The following FBXW8 variants were observed in gnomAD, a reference collection of about 807,000 sequenced individuals.
FBXW8 encodes the protein F-box and WD repeat domain containing 8.
Under a neutral mutation model 65.3 loss-of-function variants are expected in FBXW8, and 57 were observed. The ratio of observed to expected loss-of-function variants is 0.87; its 90% confidence interval spans 0.71 to 1.09. The LOEUF (loss-of-function observed/expected upper bound fraction) is 1.09, where lower values mean the gene tolerates loss of function less well. FBXW8 is among the 50% of genes least tolerant of loss of function. The probability of loss-of-function intolerance (pLI) is 0.00; values close to 1 mark genes in which losing one functional copy is unlikely to be tolerated. For missense variants in FBXW8, 777 were observed against 814.8 expected, an observed-to-expected ratio of 0.95 and a Z score of 0.57; for synonymous variants, 308 against 330.2, an observed-to-expected ratio of 0.93 and a Z score of 0.73.
chr12:116,932,120 GTTAATGCA>G (rs1343015097), intron 2 of FBXW8, among the ~76,000 whole-genome samples: 2 of 152,002 alleles, frequency 1.3e-5, no homozygotes, highest in Non-Finnish European at 2.9e-5. Flanking sequence ...CCTTCATTCT[GTTAATGCA>G]TTGTATTACA....
intron 4 of FBXW8, among the ~76,000 whole-genome samples, chr12:116,955,140 C>G (rs933465268): frequency 6.6e-6 from 1 of 152,068 alleles, no homozygotes; most frequent in Non-Finnish European, 1.5e-5. Flanking sequence ...AGGAAAACTC[C>G]CCTTCGGCGA....
intron 5 of FBXW8, among the ~76,000 whole-genome samples, chr12:116,971,247 T>C (rs1884628070): frequency 6.6e-6 from 1 of 151,906 alleles, no homozygotes; most frequent in African/African-American, 2.4e-5. Flanking sequence ...TGGTCCCAGC[T>C]ACTTGGCGGG....
chr12:116,917,751 G>A (rs143305863), intron 1 of FBXW8, among the ~76,000 whole-genome samples: 210 of 152,152 alleles, frequency 1.4e-3, no homozygotes, highest in African/African-American at 4.9e-3. Context: ...CCAGCACTTT[G>A]GGAGGCCGAG....
intron 8 of FBXW8, among the ~76,000 whole-genome samples, chr12:117,023,060 G>T (rs1954139083): frequency 6.6e-6 from 1 of 152,130 alleles, no homozygotes; most frequent in Non-Finnish European, 1.5e-5. Context: ...TTCTGTTAAA[G>T]AAAAAGAAGT....
At chr12:116,957,271 C>T (rs942203276) in intron 4 of FBXW8, among the ~76,000 whole-genome samples, 16 of 152,060 alleles carry the variant, frequency 1.1e-4, no homozygotes, top group African/African-American at 2.9e-4. Context: ...CACTTGAACC[C>T]GGGAGGTAGA....
At chr12:116,999,077 C>T (rs1301550276) in intron 7 of FBXW8, among the ~76,000 whole-genome samples, 2 of 152,136 alleles carry the variant, frequency 1.3e-5, no homozygotes, top group African/African-American at 4.8e-5. Flanking sequence ...ATGAATCCTT[C>T]TAATGGACGC....
At chr12:116,995,352 C>T (rs1012272778) in intron 7 of FBXW8, among the ~76,000 whole-genome samples, 8 of 152,196 alleles carry the variant, frequency 5.3e-5, no homozygotes, top group African/African-American at 1.9e-4. Flanking sequence ...GTCCCAAACC[C>T]TGGATTCTTT....
intron 1 of FBXW8, among the ~76,000 whole-genome samples, chr12:116,926,199 C>T (rs1565899720): frequency 6.6e-6 from 1 of 152,140 alleles, no homozygotes; most frequent in Non-Finnish European, 1.5e-5. Flanking sequence ...TAAGTGGAAC[C>T]AATTGAAGAA....
At chr12:116,914,375 G>T (rs948095269) in intron 1 of FBXW8, among the ~76,000 whole-genome samples, 2 of 147,884 alleles carry the variant, frequency 1.4e-5, no homozygotes, top group Non-Finnish European at 3.0e-5. Flanking sequence ...TTGAGCTCAG[G>T]AGCTCAAAAC....
intron 5 of FBXW8, chr12:116,979,072 A>G (rs1192295951): frequency 6.6e-6 from 1 of 152,258 alleles, no homozygotes; most frequent in African/African-American, 2.4e-5. Context: ...AATGGTATCC[A>G]TTATGGTCCT....
At chr12:116,942,472 T>G (rs1341144294) in intron 2 of FBXW8, among the ~76,000 whole-genome samples, 1 of 151,594 alleles carries the variant, frequency 6.6e-6, no homozygotes, top group Non-Finnish European at 1.5e-5. Flanking sequence ...CCTCCTGGGT[T>G]CAAGTGATTC....
At position 116,949,616 on chromosome 12, in the gene FBXW8, A is replaced by C. The variant is rs1883140537; in HGVS notation, c.589-2A>C. ...AACTGCATCCCCCTTTTCCTCACGC[A>C]GAATCGCAAAGGTGCCGTGAGCGAG... On this transcript the variant is annotated splice_acceptor_variant, in intron 3 of 10. Transcript: ENST00000652555. LOFTEE classifies it high-confidence loss of function. The C allele has an allele frequency of 2.5e-6, 4 of 1,614,182 alleles. No homozygotes were observed. Among genetic ancestry groups the C allele is most frequent in the Non-Finnish European group, 3.4e-6 (4 of 1,179,990 alleles).
chr12:116,990,152 T>C (rs1182617351), intron 7 of FBXW8, among the ~76,000 whole-genome samples: 1 of 152,226 alleles, frequency 6.6e-6, no homozygotes, highest in African/African-American at 2.4e-5. Context: ...CCCAGTGATA[T>C]ATTCTTCATC....
chr12:116,964,412 A>T (rs184733322), intron 4 of FBXW8, among the ~76,000 whole-genome samples: 1 of 152,340 alleles, frequency 6.6e-6, no homozygotes, highest in East Asian at 1.9e-4. Flanking sequence ...TTGTTGTAAT[A>T]GTGTAAAAGG....
chr12:117,000,526 T>C (rs549491973), intron 7 of FBXW8, among the ~76,000 whole-genome samples: 1 of 152,274 alleles, frequency 6.6e-6, no homozygotes, highest in African/African-American at 2.4e-5. Context: ...TCCGACTCAG[T>C]GGGTCGAGGG....
chr12:116,965,016 G>A (rs1000744118), intron 5 of FBXW8, among the ~76,000 whole-genome samples, 162 bp downstream of exon 5: 1 of 152,128 alleles, frequency 6.6e-6, no homozygotes, highest in African/African-American at 2.4e-5. Context: ...TGAAGAAGTT[G>A]GCCAACAACC....
At position 116,936,228 on chromosome 12, in the gene FBXW8, C is replaced by A. The variant is rs181478895; in HGVS notation, c.423+8101C>A. On this transcript the variant is annotated intron_variant, in intron 2 of 10. Transcript: ENST00000652555. This position sits in a 1 kb window ranked among gnomAD's most constrained non-coding sequence, Gnocchi z 4.6. The stretch of plus-strand genomic sequence containing the variant: ...GCAGATCTCTGGCAGAGTGGAATAG[C>A]AAGGACGAAGGACTTGAGGCAGACA... 1.3e-3 allele frequency among the ~76,000 whole-genome samples: 194 copies of A among 151,924 alleles called. No individual in the cohort carries two copies. The highest frequency in any genetic ancestry group is 6.8e-3 in the Middle Eastern group (2 of 294).
At chr12:116,952,417 A>G (rs1179461481) in intron 4 of FBXW8, among the ~76,000 whole-genome samples, 1 of 152,222 alleles carries the variant, frequency 6.6e-6, no homozygotes, top group Non-Finnish European at 1.5e-5. Context: ...TAGATTTACA[A>G]GGTTGTGCAA....
chr12:116,979,360 C>G (rs943797296), intron 5 of FBXW8: 2 of 152,196 alleles, frequency 1.3e-5, no homozygotes, highest in Non-Finnish European at 2.9e-5. Context: ...TATGTCTCCT[C>G]GAAAGACTGG....
Sources: gnomAD v4.1 joint callset for allele counts (sites outside exome capture counted in the v4.1 genomes callset) on GRCh38, gnomAD v4.1.1 for gene constraint, Gnocchi (gnomAD v3.1) non-coding constraint, MANE v1.5 for transcripts, NCBI Gene and HGNC (gene_info 2026-07-23, HGNC 2026-07-21) for gene names.